The following TMEM175 variants were observed in gnomAD, a reference collection of about 807,000 sequenced individuals.
The protein encoded by TMEM175 is transmembrane protein 175.
TMEM175 carries 36 observed loss-of-function variants against 36.5 expected under a neutral mutation model. The observed-to-expected ratio is 0.99, with a 90% CI of 0.76 to 1.30. TMEM175 has a LOEUF of 1.30. Ranked by LOEUF, TMEM175 falls within the 50% of genes most tolerant of loss-of-function variation. The probability of loss-of-function intolerance (pLI) is 0.00; values close to 1 mark genes in which losing one functional copy is unlikely to be tolerated. For missense variants in TMEM175, 705 were observed against 692.8 expected (o/e 1.02, Z -0.20); for synonymous variants, 339 against 313.4 (o/e 1.08, Z -0.86).
At chr4:943,541 C>A (rs970199184) in intron 1 of TMEM175, among the ~76,000 whole-genome samples, 2 of 152,098 alleles carry the variant, frequency 1.3e-5, no homozygotes, top group Admixed American at 1.3e-4. Flanking sequence ...CATGAGCCAC[C>A]GCGCCCAGCT....
intron 7 of TMEM175, 96 bp from the exon 8 acceptor site, chr4:953,094 C>CTCTT (rs1170792051): frequency 2.2e-6 from 3 of 1,337,570 alleles, no homozygotes; most frequent in African/African-American, 2.9e-5. Flanking sequence ...CACCTCGAGA[C>CTCTT]CCTTGCGTGC....
intron 1 of TMEM175, among the ~76,000 whole-genome samples, chr4:937,558 G>A (rs377453862): frequency 1.6e-4 from 24 of 151,998 alleles, no homozygotes; most frequent in East Asian, 1.4e-3. Context: ...AGTGAAACTC[G>A]ATCTCAAAAA....
At chr4:953,788 T>C (rs1421450141) in intron 8 of TMEM175, among the ~76,000 whole-genome samples, 1 of 152,188 alleles carries the variant, frequency 6.6e-6, no homozygotes, top group Non-Finnish European at 1.5e-5. Context: ...CGGGCTCAAG[T>C]GATTCTCTCA....
Position 948,503 on chromosome 4 carries a change from G to C in TMEM175, c.192+349G>C, listed in dbSNP as rs550959944. On this transcript the variant is annotated intron_variant, in intron 3 of 10. Transcript: ENST00000264771. ...CCAAGGACAGAAGTTTCCTCTGCGG[G>C]AGGGCAGCTGCCCCAGCAGGCAGGC... 4.0e-5 allele frequency: 56 copies of C among 1,408,690 alleles called. No individual in the cohort carries two copies. The Admixed American group carries it at 8.7e-4, about 22-fold the overall frequency. 87.3% of individuals were successfully genotyped at this position (1,408,690 alleles called of 1,614,324 possible).
At chr4:934,730 G>A (rs1726601816) in intron 1 of TMEM175, among the ~76,000 whole-genome samples, 1 of 152,186 alleles carries the variant, frequency 6.6e-6, no homozygotes, top group Non-Finnish European at 1.5e-5. Context: ...GGAAGGGAGA[G>A]AAGGTTTGCT....
rs555743361 is a variant in TMEM175 at position 947,332 on chromosome 4, C to G, written c.-31-377C>G. Among the ~76,000 whole-genome samples, 3 of 152,276 alleles carry G rather than the reference C, an allele frequency of 2.0e-5. No individual in the cohort carries two copies. The South Asian group carries it at 6.2e-4, about 32-fold the overall frequency. ...CGGGCCCTGTAGAGAACAGACAGCCCCAGGCACGCATGCACGGTCAAGGGC... is the reference window on the plus strand; with the variant it reads ...CGGGCCCTGTAGAGAACAGACAGCCGCAGGCACGCATGCACGGTCAAGGGC... On this transcript the variant is annotated intron_variant, in intron 1 of 10. Transcript: ENST00000264771.
chr4:956,299 C>T, intron 10 of TMEM175: 1 of 1,281,944 alleles, frequency 7.8e-7, no homozygotes, highest in Non-Finnish European at 1.0e-6. Flanking sequence ...CCTCCCAGTG[C>T]CCCCCATCGC....
At chr4:938,643 A>G (rs922891392) in intron 1 of TMEM175, among the ~76,000 whole-genome samples, 5 of 152,272 alleles carry the variant, frequency 3.3e-5, no homozygotes, top group Non-Finnish European at 2.9e-5. Flanking sequence ...AGTTGAAATT[A>G]GAAACATTTA....
chr4:947,817 T>C lies in TMEM175; in HGVS notation c.78T>C (p.Ala26=), dbSNP rs752686451. 2 of 1,613,144 alleles carry C rather than the reference T, an allele frequency of 1.2e-6. No individual in the cohort carries two copies. The highest frequency in any genetic ancestry group is 2.2e-5 in the South Asian group (2 of 91,084). ...DCPPGRRDED[A]GEGIQCSQRM... Reference sequence around the variant, plus strand: ...CCCCAGGCAGGAGAGACGAGGACGCTGGGGAGGGGATCCAGTGCTCCCAAC... The same window carrying C: ...CCCCAGGCAGGAGAGACGAGGACGCCGGGGAGGGGATCCAGTGCTCCCAAC... The change falls in exon 2 of 11, where the codon GCT becomes GCC. Residue 26 remains alanine, a synonymous_variant. Coordinates refer to ENST00000264771, the MANE Select transcript of TMEM175 (RefSeq NM_032326.4).
intron 10 of TMEM175, 138 bp downstream of exon 10, chr4:956,028 G>C (rs928232093): frequency 8.9e-7 from 1 of 1,119,070 alleles, no homozygotes; most frequent in Non-Finnish European, 1.3e-6. Flanking sequence ...TTTTGTGTGA[G>C]GTCAGGGCAG....
chr4:938,615 C>G (rs1560471903), intron 1 of TMEM175, among the ~76,000 whole-genome samples: 1 of 152,118 alleles, frequency 6.6e-6, no homozygotes, highest in Non-Finnish European at 1.5e-5. Context: ...TTTCTACGTA[C>G]TAGCAATAAA....
chr4:954,537 G>A (rs1050625073), intron 8 of TMEM175, among the ~76,000 whole-genome samples: 2 of 152,102 alleles, frequency 1.3e-5, no homozygotes, highest in Admixed American at 6.5e-5. Flanking sequence ...GAGTGGCGCC[G>A]GTGTGAGCAT....
intron 7 of TMEM175, 59 bp downstream of exon 7, chr4:952,509 T>A (rs1413819422): frequency 6.7e-6 from 9 of 1,346,102 alleles, no homozygotes; most frequent in African/African-American, 1.7e-5. Flanking sequence ...TGTGTGTGTG[T>A]GTGTGTGTGA....
chr4:936,918 C>T (rs1030986059), intron 1 of TMEM175, among the ~76,000 whole-genome samples: 14 of 151,512 alleles, frequency 9.2e-5, no homozygotes, highest in African/African-American at 2.7e-4. Context: ...GATTGAGCCA[C>T]GGCACTCCAG....
chr4:940,017 A>G (rs1727243047), intron 1 of TMEM175, among the ~76,000 whole-genome samples: 1 of 152,266 alleles, frequency 6.6e-6, no homozygotes, highest in Admixed American at 6.5e-5. Context: ...ATAAAAAGAT[A>G]AGCTATCAAG....
At chr4:944,593 C>A (rs998329095) in intron 1 of TMEM175, among the ~76,000 whole-genome samples, 1 of 152,154 alleles carries the variant, frequency 6.6e-6, no homozygotes, top group Non-Finnish European at 1.5e-5. Flanking sequence ...ACCGTATACA[C>A]ATACGGTGTG....
chr4:944,126 G>A (rs922923128), intron 1 of TMEM175, among the ~76,000 whole-genome samples: 5 of 152,230 alleles, frequency 3.3e-5, no homozygotes, highest in South Asian at 2.1e-4. Context: ...AACCCTGTCT[G>A]TACTAAAAAT....
intron 2 of TMEM175, 40 bp downstream of exon 2, chr4:947,932 G>A (rs777165026): frequency 3.1e-5 from 50 of 1,613,750 alleles, no homozygotes; most frequent in African/African-American, 1.1e-4. Flanking sequence ...CCCACCCCGA[G>A]CCTCTCGAGG....
Position 950,426 on chromosome 4 carries a change from C to G in TMEM175, c.198C>G (p.Phe66Leu). 6.2e-7 allele frequency: 1 copy of G among 1,612,776 alleles called. No homozygotes were observed. The highest frequency in any genetic ancestry group is 8.5e-7 in the Non-Finnish European group (1 of 1,178,796). ...THTEISPEQQFDRSVQRLLAT... is the reference protein window; with the variant it reads ...THTEISPEQQLDRSVQRLLAT... ...GCAGTGCTCTTGTATTCCAGCAGTT[C>G]GACAGAAGTGTACAGAGGCTTCTGG... The change falls in exon 4 of 11, where the codon TTC (phenylalanine) becomes TTG (leucine). Residue 66 changes from phenylalanine (F) to leucine (L), a missense_variant. Coordinates refer to ENST00000264771, the MANE Select transcript of TMEM175 (RefSeq NM_032326.4).
Sources: gnomAD v4.1 joint callset for allele counts (sites outside exome capture counted in the v4.1 genomes callset) on GRCh38, gnomAD v4.1.1 for gene constraint, MANE v1.5 for transcripts, NCBI Gene and HGNC (gene_info 2026-07-23, HGNC 2026-07-21) for gene names.